PPP1R36: variants seen among roughly 807,000 people sequenced by gnomAD.
PPP1R36 encodes chromosome 14 open reading frame 50.
A neutral mutation model predicts 53.4 loss-of-function variants in PPP1R36; 47 were observed. That is an observed-to-expected ratio of 0.88 (90% CI 0.70 to 1.12). The LOEUF (loss-of-function observed/expected upper bound fraction) is 1.12, where lower values mean the gene tolerates loss of function less well. Among genes scored for constraint, PPP1R36 ranks in the 50% most tolerant of loss-of-function variants. PPP1R36 has a pLI of 0.00. For synonymous variants in PPP1R36, 153 were observed against 170.5 expected, an observed-to-expected ratio of 0.90 and a Z score of 0.80; for missense variants, 456 against 513.9, an observed-to-expected ratio of 0.89 and a Z score of 1.09.
chr14:64,562,111 C>T (rs1429172844), intron 3 of PPP1R36: 1 of 197,114 alleles, frequency 5.1e-6, no homozygotes, highest in Admixed American at 5.7e-5. Flanking sequence ...AGGGTATAGG[C>T]TAGCTAGCCC....
chr14:64,573,777 G>A (rs565329925), intron 7 of PPP1R36, among the ~76,000 whole-genome samples: 1 of 151,466 alleles, frequency 6.6e-6, no homozygotes, highest in African/African-American at 2.4e-5. Context: ...GCCAGGCATG[G>A]TGGTAGGCAC....
At chr14:64,579,843 G>A (rs180858704) in intron 8 of PPP1R36, among the ~76,000 whole-genome samples, 4,935 of 152,186 alleles carry the variant, frequency 0.032, 97 homozygotes, top group Middle Eastern at 0.058. Flanking sequence ...GGTGGCGGGC[G>A]CCTGTAGTCC....
rs530001379 is a variant in PPP1R36, at chr14:64,558,523, G to A, written c.182+5662G>A. 2.6e-5 allele frequency among the ~76,000 whole-genome samples: 4 copies of A among 152,124 alleles called. No homozygotes were observed. The South Asian group carries it at 8.3e-4, about 32-fold the overall frequency. ...GAGCCCAGAAAGTTGAGGCTGTGGT[G>A]AGCCATGATCCTGCCACTGCACTCC... On this transcript the variant is annotated intron_variant, in intron 3 of 11. Transcript: ENST00000298705.
At chr14:64,561,035 G>C (rs11622168) in intron 3 of PPP1R36, among the ~76,000 whole-genome samples, 66,665 of 151,934 alleles carry the variant, frequency 0.44, 15,753 homozygotes, top group East Asian at 0.65. Context: ...TAGCCAGAGA[G>C]AGGGGAGGAA....
chr14:64,577,718 CTTTTTTTTTTTT>C (rs10667127), intron 8 of PPP1R36, among the ~76,000 whole-genome samples: 5 of 94,450 alleles, frequency 5.3e-5, no homozygotes, highest in East Asian at 6.6e-4. Context: ...GCCATGATTA[CTTTTTTTTTTTT>C]TTTTTTTTTT....
chr14:64,580,602 C>T (rs2140245551), intron 8 of PPP1R36, among the ~76,000 whole-genome samples: 1 of 152,248 alleles, frequency 6.6e-6, no homozygotes, highest in South Asian at 2.1e-4. Flanking sequence ...TGCGACATAA[C>T]CCATGTTTCC....
intron 8 of PPP1R36, among the ~76,000 whole-genome samples, chr14:64,585,942 C>CT (rs1301856473): frequency 1.6e-3 from 241 of 151,532 alleles, no homozygotes; most frequent in African/African-American, 5.5e-3. Context: ...GTATAGTATT[C>CT]TTTTTTTTTC....
intron 3 of PPP1R36, among the ~76,000 whole-genome samples, chr14:64,554,140 T>C (rs2080122723): frequency 1.5e-5 from 2 of 137,854 alleles, no homozygotes; most frequent in South Asian, 4.7e-4. Flanking sequence ...CCCATCACAA[T>C]TGTTTTTTTT....
intron 6 of PPP1R36, among the ~76,000 whole-genome samples, chr14:64,566,141 G>A (rs1405149095): frequency 3.3e-5 from 5 of 152,112 alleles, no homozygotes; most frequent in Non-Finnish European, 7.4e-5. Context: ...GGTGGTGGGC[G>A]CCTGTAATCC....
At chr14:64,574,428 T>C in intron 7 of PPP1R36, 27 bp from the exon 8 acceptor site, 1 of 1,587,244 alleles carries the variant, frequency 6.3e-7, no homozygotes. Context: ...TTAACCCAAA[T>C]TCTCTTTTTT....
chr14:64,570,648 T>G (rs2080295169), intron 7 of PPP1R36, among the ~76,000 whole-genome samples: 1 of 152,160 alleles, frequency 6.6e-6, no homozygotes, highest in Non-Finnish European at 1.5e-5. Flanking sequence ...AATACCAAGA[T>G]AGAGCATAGG....
intron 3 of PPP1R36, among the ~76,000 whole-genome samples, chr14:64,554,194 C>T (rs2080125625): frequency 8.5e-6 from 1 of 118,158 alleles, no homozygotes; most frequent in Non-Finnish European, 1.6e-5. Context: ...TCTTGTGGCT[C>T]AGGCTGGAGT....
chr14:64,558,794 G>A (rs757771961), intron 3 of PPP1R36, among the ~76,000 whole-genome samples: 2 of 151,942 alleles, frequency 1.3e-5, no homozygotes, highest in Non-Finnish European at 2.9e-5. Flanking sequence ...CGGCACCACA[G>A]CTGGCTAATT....
At chr14:64,575,521 G>A (rs1197973900) in intron 8 of PPP1R36, among the ~76,000 whole-genome samples, 1 of 152,070 alleles carries the variant, frequency 6.6e-6, no homozygotes, top group East Asian at 1.9e-4. Context: ...TTTCTGCATT[G>A]AATATTCTTT....
Position 64,560,405 on chromosome 14 carries a change from C to T in PPP1R36, c.183-4346C>T, listed in dbSNP as rs1465401677. Among the ~76,000 whole-genome samples the T allele has an allele frequency of 2.1e-5, 3 of 146,302 alleles. No homozygotes were observed. In the Admixed American group the frequency reaches 2.1e-4, roughly 10 times the overall value. On this transcript the variant is annotated intron_variant, in intron 3 of 11. Transcript: ENST00000298705. ...TGTAGTGACCATGATGGCACCACTG[C>T]ACTCCAGCCTAAGCAACAGTGAGAC...
At chr14:64,578,194 T>C (rs1319315604) in intron 8 of PPP1R36, among the ~76,000 whole-genome samples, 1 of 152,174 alleles carries the variant, frequency 6.6e-6, no homozygotes, top group Non-Finnish European at 1.5e-5. Flanking sequence ...CCTCAGGTGA[T>C]CCACCTGCCT....
rs1246967447 is a variant in PPP1R36 at position 64,565,251 on chromosome 14, TCA to T, written c.270-105_270-104del. 13 of 700,190 alleles carry T rather than the reference TCA, an allele frequency of 1.9e-5. No homozygotes were observed. In the African/African-American group the frequency reaches 2.2e-4, roughly 12 times the overall value. The allele number at this position is 700,190 out of a possible 1,614,324, so 43.4% of individuals were successfully genotyped here. On this transcript the variant is annotated intron_variant, in intron 4 of 11. Coordinates refer to ENST00000298705, the MANE Select transcript of PPP1R36 (RefSeq NM_172365.3). ...ATCAAACAAAACCCATGTATGACAC[TCA>T]GGCTCTTATTACTTTTTAATAAATG...
At chr14:64,560,103 C>CAAAAAAAA (rs1171697200) in intron 3 of PPP1R36, among the ~76,000 whole-genome samples, 36 of 27,472 alleles carry the variant, frequency 1.3e-3, no homozygotes, top group East Asian at 3.0e-3. Context: ...GAATCTGTCA[C>CAAAAAAAA]AAAAAAAAAA....
chr14:64,567,041 T>C (rs1015497433), intron 6 of PPP1R36, among the ~76,000 whole-genome samples: 1 of 152,250 alleles, frequency 6.6e-6, no homozygotes, highest in African/African-American at 2.4e-5. Context: ...CCAACTAAAC[T>C]GTTCACTTTC....
Sources: allele counts gnomAD v4.1 joint callset (sites outside exome capture counted in the v4.1 genomes callset), GRCh38; gene constraint gnomAD v4.1.1; transcripts MANE v1.5; gene names NCBI Gene and HGNC (gene_info 2026-07-23, HGNC 2026-07-21).